Variants in CSPP1 observed in about 807,000 individuals in gnomAD.
The protein encoded by CSPP1 is centrosome and spindle pole-associated protein 1.
Under a neutral mutation model 164.4 loss-of-function variants are expected in CSPP1, and 126 were observed. The observed-to-expected ratio is 0.77, with a 90% confidence interval of 0.66 to 0.89. The LOEUF is 0.89. Ranked by LOEUF, CSPP1 falls within the 40% of genes least tolerant of loss-of-function variation. The pLI is 0.00. For synonymous variants in CSPP1, 472 were observed against 476.7 expected (o/e 0.99, Z 0.13); for missense variants, 1,395 against 1,449.8 (o/e 0.96, Z 0.61).
intron 3 of CSPP1, among the ~76,000 whole-genome samples, chr8:67,082,912 ATAAG>A (rs1809511409): frequency 2.0e-5 from 3 of 152,214 alleles, no homozygotes; most frequent in Non-Finnish European, 4.4e-5. Flanking sequence ...AACAGGCACA[ATAAG>A]TAAGCCTCAC....
rs149900542 is a variant in CSPP1, at chr8:67,115,533, G to A, written c.1288-381G>A. On this transcript the variant is annotated intron_variant, in intron 12 of 30. Coordinates refer to ENST00000678616, the MANE Select transcript of CSPP1 (RefSeq NM_001382391.1). ...CCTTCTCTACAAAAATTAGCTGTGCGTGGTGGCAGGTGCCTGTAACCCCAG... is the reference window on the plus strand; with the variant it reads ...CCTTCTCTACAAAAATTAGCTGTGCATGGTGGCAGGTGCCTGTAACCCCAG... Among the ~76,000 whole-genome samples, 293 of 152,184 alleles carry A rather than the reference G, an allele frequency of 1.9e-3. 4 individuals are homozygous for A. Among genetic ancestry groups the A allele is most frequent in the African/African-American group, 6.6e-3 (274 of 41,524 alleles).
intron 1 of CSPP1, among the ~76,000 whole-genome samples, chr8:67,067,408 A>G (rs1311221971): frequency 6.6e-6 from 1 of 152,184 alleles, no homozygotes; most frequent in Admixed American, 6.5e-5. Flanking sequence ...ATTATTGATT[A>G]TTTAAATCTC....
At chr8:67,088,768 G>A in intron 4 of CSPP1, among the ~76,000 whole-genome samples, 1 of 151,414 alleles carries the variant, frequency 6.6e-6, no homozygotes, top group East Asian at 2.0e-4. Context: ...GTGGTGGCAG[G>A]CGCCTGTAGT....
chr8:67,107,723 G>A (rs1350655063), intron 9 of CSPP1, among the ~76,000 whole-genome samples: 1 of 151,892 alleles, frequency 6.6e-6, no homozygotes, highest in Non-Finnish European at 1.5e-5. Context: ...CTATAATTTT[G>A]CCCCAAGGAT....
rs756222365 is a variant in CSPP1, at chr8:67,065,438, T to TA, written c.-11+904dup. The TA allele has an allele frequency of 1.7e-4, 108 of 629,524 alleles. 1 individual carries two copies. The highest frequency in any genetic ancestry group is 3.8e-4 in the Admixed American group (6 of 15,836). 39.0% of individuals were successfully genotyped at this position (629,524 alleles called of 1,614,324 possible). A position where few individuals can be genotyped will look rare whatever the true frequency, so the allele number is the denominator to read the frequency against. ...AAACACCTTGGAAAATGCAGGGGCT[T>TA]AAAAGCAACCGATAGGAATTTATAA... On this transcript the variant is annotated intron_variant, in intron 1 of 30. Coordinates refer to ENST00000678616, the MANE Select transcript of CSPP1 (RefSeq NM_001382391.1).
intron 13 of CSPP1, 39 bp from the exon 14 acceptor site, chr8:67,118,206 AATG>A: frequency 6.2e-7 from 1 of 1,602,930 alleles, no homozygotes; most frequent in South Asian, 1.1e-5. Context: ...AAAAAATTGC[AATG>A]AAATATGAGA....
intron 21 of CSPP1, 115 bp from the exon 22 acceptor site, chr8:67,161,696 A>G (rs1586633770): frequency 5.3e-6 from 3 of 567,072 alleles, no homozygotes; most frequent in Non-Finnish European, 9.3e-6. Context: ...AATAAAAGCA[A>G]TAACAATCTA....
rs767157409 is a variant in CSPP1 at position 67,195,425 on chromosome 8, C to T, written c.3513C>T (p.His1171=). ...TTGACCCTGATGACATCATGAAACA[C>T]ATAGGGGATGACGGATCAAACTCTG... ...SLVDPDDIMK[H]IGDDGSNSVA... The change falls in exon 31 of 31, where the codon CAC becomes CAT. Residue 1171 remains histidine, a synonymous_variant. Coordinates refer to ENST00000678616, the MANE Select transcript of CSPP1 (RefSeq NM_001382391.1). The T allele has an allele frequency of 1.9e-6, 3 of 1,614,164 alleles. No homozygotes were observed. Among genetic ancestry groups the T allele is most frequent in the Non-Finnish European group, 1.7e-6 (2 of 1,180,004 alleles).
At chr8:67,185,121 AAAC>A (rs1563782576) in intron 28 of CSPP1, among the ~76,000 whole-genome samples, 29 of 141,424 alleles carry the variant, frequency 2.1e-4, no homozygotes, top group African/African-American at 9.0e-4. Flanking sequence ...AAAAAAACAA[AAAC>A]AAACAAACAA....
intron 1 of CSPP1, among the ~76,000 whole-genome samples, chr8:67,068,392 C>T (rs1806031767): frequency 6.6e-6 from 1 of 152,156 alleles, no homozygotes; most frequent in Admixed American, 6.6e-5. Context: ...ATACTATGTA[C>T]ACAGCTACTG....
chr8:67,184,943 CAAAAAAAAAAAAA>C (rs796384901), intron 28 of CSPP1, among the ~76,000 whole-genome samples: 2 of 56,082 alleles, frequency 3.6e-5, no homozygotes, highest in South Asian at 8.7e-4. Context: ...ACTAAAAATA[CAAAAAAAAAAAAA>C]AAAAAAAAAA....
chr8:67,086,272 GA>G, intron 4 of CSPP1, 162 bp downstream of exon 4: 2 of 713,626 alleles, frequency 2.8e-6, no homozygotes, highest in Admixed American at 1.9e-5. Flanking sequence ...CATTGGTAGA[GA>G]AAAAAATATT....
At chr8:67,176,660 T>A (rs1831718652) in intron 26 of CSPP1, among the ~76,000 whole-genome samples, 1 of 152,138 alleles carries the variant, frequency 6.6e-6, no homozygotes, top group Non-Finnish European at 1.5e-5. Flanking sequence ...TTAGACTGAT[T>A]AGCCCACAAG....
intron 21 of CSPP1, 93 bp downstream of exon 21, chr8:67,159,230 A>C: frequency 8.2e-7 from 1 of 1,222,140 alleles, no homozygotes; most frequent in Non-Finnish European, 1.2e-6. Flanking sequence ...GAGAAAGAGG[A>C]GGAGGTGCTT....
rs778396999 is a variant in CSPP1 at position 67,152,106 on chromosome 8, AG to A, written c.2129-1917del. Reference sequence around the variant, plus strand: ...CATCTCAAAAAAAAAAAAAAAAAAAAGAATTAATTAATCTAAAATAAACTTT... The same window carrying A: ...CATCTCAAAAAAAAAAAAAAAAAAAAAATTAATTAATCTAAAATAAACTTT... On this transcript the variant is annotated intron_variant, in intron 18 of 30. Transcript: ENST00000678616. Among the ~76,000 whole-genome samples, 21 of 149,296 alleles carry A rather than the reference AG, an allele frequency of 1.4e-4. No individual in the cohort carries two copies. In the East Asian group the frequency reaches 3.3e-3, roughly 23 times the overall value.
At chr8:67,065,787 C>G (rs1185176270) in intron 1 of CSPP1, among the ~76,000 whole-genome samples, 3 of 152,154 alleles carry the variant, frequency 2.0e-5, no homozygotes, top group African/African-American at 7.2e-5. Flanking sequence ...CCTCGGCTTC[C>G]CAAAGTGCTG....
intron 22 of CSPP1, 101 bp from the exon 23 acceptor site, chr8:67,163,629 AGT>A: frequency 1.4e-6 from 1 of 734,524 alleles, no homozygotes; most frequent in Non-Finnish European, 2.3e-6. Context: ...GATAGTGTGG[AGT>A]TTGGTTTCCT....
rs1339174815 is a variant in CSPP1, at chr8:67,195,554, C to G, written c.3642C>G (p.Gly1214=). The part of the protein sequence containing the change: ...QEQQQIPGKP[G]TFTWQGLSTA... ...AGCAGCAGATTCCTGGAAAACCAGG[C>G]ACTTTCACTTGGCAGGGCCTGTCGA... Residue 1214 remains glycine (G), a synonymous_variant, in exon 31 of 31, where the codon GGC becomes GGG. Coordinates refer to ENST00000678616, the MANE Select transcript of CSPP1 (RefSeq NM_001382391.1). 6.2e-7 allele frequency: 1 copy of G among 1,614,170 alleles called. No homozygotes were observed. Among genetic ancestry groups the G allele is most frequent in the Admixed American group, 1.7e-5 (1 of 60,022 alleles).
intron 3 of CSPP1, among the ~76,000 whole-genome samples, chr8:67,082,163 T>C (rs1018475596): frequency 1.3e-5 from 2 of 152,210 alleles, no homozygotes; most frequent in African/African-American, 4.8e-5. Context: ...TTCTCCTGCC[T>C]CAGCCTCCTG....
Sources: allele counts gnomAD v4.1 joint callset (sites outside exome capture counted in the v4.1 genomes callset), GRCh38; gene constraint gnomAD v4.1.1; transcripts MANE v1.5; gene names NCBI Gene and HGNC (gene_info 2026-07-23, HGNC 2026-07-21).